Variants in TRAF2 observed in about 807,000 individuals in gnomAD.
TRAF2 encodes the protein TNF receptor-associated factor 2.
Under a neutral mutation model 55.6 loss-of-function variants are expected in TRAF2, and 6 were observed. The observed-to-expected ratio is 0.11, with a 90% confidence interval of 0.06 to 0.21. The LOEUF (loss-of-function observed/expected upper bound fraction) is 0.21. Among genes scored for constraint, TRAF2 ranks in the 10% least tolerant of loss-of-function variants. The pLI is 1.00. For synonymous variants in TRAF2, 329 were observed against 276.3 expected (o/e 1.19, Z -1.89); for missense variants, 561 against 684.5 (o/e 0.82, Z 2.01).
intron 1 of TRAF2, among the ~76,000 whole-genome samples, chr9:136,893,841 C>G (rs1209033086): frequency 2.0e-5 from 3 of 152,058 alleles, no homozygotes; most frequent in Non-Finnish European, 2.9e-5. Flanking sequence ...CCTCTCCTTC[C>G]CGGGTTCAAG....
At position 136,908,270 on chromosome 9, in the gene TRAF2, A is replaced by G. The variant is rs890387429; in HGVS notation, c.528+39A>G. 8.5e-6 allele frequency: 13 copies of G among 1,521,248 alleles called. 1 individual carries two copies. Among genetic ancestry groups the G allele is most frequent in the South Asian group, 2.4e-5 (2 of 82,594 alleles). The allele number at this position is 1,521,248 out of a possible 1,614,324, so 94.2% of individuals were successfully genotyped here. ...AGCAGCAGCCTGTGTGGCTGCAGCC[A>G]TGCGGGGCTGAGCTGGGGAGCTGCG... On this transcript the variant is annotated intron_variant, in intron 5 of 10. Transcript: ENST00000247668.
Position 136,904,642 on chromosome 9 carries a change from C to T in TRAF2, c.367-3428C>T, listed in dbSNP as rs1053710247. 2.6e-5 allele frequency among the ~76,000 whole-genome samples: 4 copies of T among 151,746 alleles called. No homozygotes were observed. The South Asian group carries it at 8.3e-4, about 32-fold the overall frequency. On this transcript the variant is annotated intron_variant, in intron 4 of 10. Transcript: ENST00000247668. Reference sequence around the variant, plus strand: ...CAGGATGGTCTCAATCTCCTGAGCTCGTGATCCACCCGCCTCGGCCTCCCA... The same window carrying T: ...CAGGATGGTCTCAATCTCCTGAGCTTGTGATCCACCCGCCTCGGCCTCCCA...
intron 1 of TRAF2, among the ~76,000 whole-genome samples, chr9:136,896,318 G>A (rs758478216): frequency 6.6e-6 from 1 of 152,216 alleles, no homozygotes; most frequent in African/African-American, 2.4e-5. Context: ...CACGGGGAGC[G>A]CAAGAAGGCA....
At chr9:136,893,974 TC>T (rs1428694235) in intron 1 of TRAF2, among the ~76,000 whole-genome samples, 1 of 151,098 alleles carries the variant, frequency 6.6e-6, no homozygotes. Flanking sequence ...GGTCTCAAAC[TC>T]CTGACCTCGT....
intron 8 of TRAF2, among the ~76,000 whole-genome samples, chr9:136,920,742 T>A (rs924599151): frequency 8.5e-5 from 13 of 152,202 alleles, no homozygotes; most frequent in African/African-American, 3.1e-4. Context: ...GGCCAGGCCG[T>A]GGGCAGGAGC....
Position 136,909,994 on chromosome 9 carries a change from G to C in TRAF2, c.603G>C (p.Lys201Asn). 1 of 1,613,784 alleles carries C rather than the reference G, an allele frequency of 6.2e-7. No individual in the cohort carries two copies. Among genetic ancestry groups the C allele is most frequent in the Non-Finnish European group, 8.5e-7 (1 of 1,179,870 alleles). Residue 201 changes from lysine to asparagine, a missense_variant and splice_region_variant, in exon 6 of 11, where the codon AAG becomes AAC. Transcript: ENST00000247668. ...GCAAGAAGAAGATCCCCCGGGAGAA[G>C]GTGAGTGTCCTTCACCTCCTTGGAG... ...GCGKKKIPRE[K>N]FQDHVKTCGK...
upstream of TRAF2, chr9:136,882,676 C>T: frequency 1.0e-6 from 1 of 985,608 alleles, no homozygotes; most frequent in Non-Finnish European, 1.2e-6. Flanking sequence ...GGAAGGAGCC[C>T]ACGTGGGAAT....
chr9:136,921,334 G>T, intron 9 of TRAF2, 119 bp downstream of exon 9: 1 of 1,282,244 alleles, frequency 7.8e-7, no homozygotes. Context: ...GACCCCCAGT[G>T]ATACCGGGAG....
chr9:136,902,919 ATGTT>A (rs1849855219), intron 4 of TRAF2, among the ~76,000 whole-genome samples: 1 of 152,160 alleles, frequency 6.6e-6, no homozygotes, highest in South Asian at 2.1e-4. Flanking sequence ...TAGCTTTTGA[ATGTT>A]TGTCCTTTGC....
At chr9:136,895,466 G>A (rs1438991195) in intron 1 of TRAF2, among the ~76,000 whole-genome samples, 1 of 152,214 alleles carries the variant, frequency 6.6e-6, no homozygotes, top group African/African-American at 2.4e-5. Flanking sequence ...AAGTAGAACA[G>A]CAAGGCCCCC....
intron 5 of TRAF2, among the ~76,000 whole-genome samples, 154 bp from the exon 6 acceptor site, chr9:136,909,766 T>A (rs1818361299): frequency 6.6e-6 from 1 of 152,196 alleles, no homozygotes; most frequent in Admixed American, 6.5e-5. Flanking sequence ...GCTGGCAGGA[T>A]CCTGCCCGGG....
intron 9 of TRAF2, 133 bp from the exon 10 acceptor site, chr9:136,923,717 CTT>C (rs17250631): frequency 0.76 from 604,043 of 797,760 alleles, 229,198 homozygotes; most frequent in East Asian, 0.89. Flanking sequence ...GGAAAAAAAA[CTT>C]TTCTTTGCAC....
chr9:136,885,999 G>A (rs1230354725), upstream of TRAF2: 1 of 152,258 alleles, frequency 6.6e-6, no homozygotes. Context: ...GGACCCGCAG[G>A]TGTCGGGTAG....
At chr9:136,915,292 C>T (rs552212445) in intron 6 of TRAF2, among the ~76,000 whole-genome samples, 15 of 152,250 alleles carry the variant, frequency 9.9e-5, no homozygotes, top group African/African-American at 2.9e-4. Flanking sequence ...CCGTCCGCAG[C>T]GCCGTGCGGT....
At chr9:136,887,812 G>A (rs1284138931) in intron 1 of TRAF2, among the ~76,000 whole-genome samples, 1 of 152,116 alleles carries the variant, frequency 6.6e-6, no homozygotes, top group South Asian at 2.1e-4. Context: ...TTGTTATCAA[G>A]CTTCTATTTG....
intron 4 of TRAF2, 98 bp downstream of exon 4, chr9:136,900,618 T>G (rs778205787): frequency 1.1e-6 from 1 of 940,020 alleles, no homozygotes; most frequent in African/African-American, 1.6e-5. Context: ...CACGTTCCTC[T>G]CACTGGGGCT....
At chr9:136,905,717 C>G (rs1265542087) in intron 4 of TRAF2, among the ~76,000 whole-genome samples, 3 of 152,190 alleles carry the variant, frequency 2.0e-5, no homozygotes, top group Admixed American at 2.0e-4. Flanking sequence ...TTAACTCTGG[C>G]CAGGCACAGG....
At chr9:136,887,290 G>C (rs1849475828) in intron 1 of TRAF2, among the ~76,000 whole-genome samples, 1 of 152,254 alleles carries the variant, frequency 6.6e-6, no homozygotes, top group Non-Finnish European at 1.5e-5. Flanking sequence ...TGCAATGTCT[G>C]CAAGAATCTG....
At chr9:136,895,396 A>G (rs1307498696) in intron 1 of TRAF2, among the ~76,000 whole-genome samples, 1 of 152,204 alleles carries the variant, frequency 6.6e-6, no homozygotes, top group Admixed American at 6.5e-5. Flanking sequence ...GCAGGTGTGC[A>G]GTGTTAGGAC....
Sources: allele counts gnomAD v4.1 joint callset (sites outside exome capture counted in the v4.1 genomes callset), GRCh38; gene constraint gnomAD v4.1.1; transcripts MANE v1.5; gene names NCBI Gene and HGNC (gene_info 2026-07-23, HGNC 2026-07-21).